IQANK1: variants seen among roughly 807,000 people sequenced by gnomAD.
The protein encoded by IQANK1 is IQ motif and ankyrin repeat domain-containing protein 1.
Under a neutral mutation model 22.6 loss-of-function variants are expected in IQANK1, and 30 were observed. The ratio of observed to expected loss-of-function variants is 1.33; its 90% CI spans 0.99 to 1.80. IQANK1 has a LOEUF of 1.80. IQANK1 is among the 40% of genes most tolerant of loss of function. The probability of loss-of-function intolerance (pLI) is 0.00; values close to 1 mark genes in which losing one functional copy is unlikely to be tolerated. For synonymous variants in IQANK1, 122 were observed against 99.6 expected, an observed-to-expected ratio of 1.23 and a Z score of -1.34; for missense variants, 275 against 235.2, an observed-to-expected ratio of 1.17 and a Z score of -1.11.
At position 143,749,674 on chromosome 8, in the gene IQANK1, C is replaced by T. The variant is rs1412013791; in HGVS notation, c.175+9726C>T. On this transcript the variant is annotated intron_variant, in intron 3 of 13. Transcript: ENST00000527139. ...GCAGTGGCATGATCTCGGCTCACTG[C>T]AATCTCCACCTCCTGGTACCTGGGA... 2.0e-5 allele frequency among the ~76,000 whole-genome samples: 3 copies of T among 147,906 alleles called. No individual in the cohort carries two copies. In the Admixed American group the frequency reaches 2.1e-4, roughly 10 times the overall value.
chr8:143,742,484 G>T, intron 3 of IQANK1: 1 of 456,070 alleles, frequency 2.2e-6, no homozygotes, highest in South Asian at 1.5e-5. Context: ...TGGGCCCCGG[G>T]ACTCGCCTGT....
chr8:143,787,411 C>T (rs782339541), intron 7 of IQANK1, among the ~76,000 whole-genome samples: 2 of 152,006 alleles, frequency 1.3e-5, no homozygotes, highest in Non-Finnish European at 2.9e-5. Context: ...CCTGCAGGCC[C>T]CCTACACTGC....
At position 143,762,266 on chromosome 8, in the gene IQANK1, G is replaced by A. The variant is rs567939731; in HGVS notation, c.176-9222G>A. ...AGTGGTTGCAGTGAGCCGAGATCGC[G>A]CCATTGCACTCCAGCCTGGGCAACA... On this transcript the variant is annotated intron_variant, in intron 3 of 13. Transcript: ENST00000527139. Among the ~76,000 whole-genome samples the A allele has an allele frequency of 4.7e-5, 7 of 150,064 alleles. 1 individual carries two copies. The South Asian group carries it at 6.4e-4, about 14-fold the overall frequency.
chr8:143,772,249 C>A lies in IQANK1; in HGVS notation c.663+6C>A, dbSNP rs1363220384. ...GCGCCAGCCCCAACAGCAAGGTGGG[C>A]GCCGTGGGCCGCGGGCCGCCGCGCT... On this transcript the variant is annotated splice_donor_region_variant and intron_variant, in intron 6 of 13. Transcript: ENST00000527139. 2.5e-6 allele frequency: 1 copy of A among 396,960 alleles called. No homozygotes were observed. Among genetic ancestry groups the A allele is most frequent in the East Asian group, 3.6e-5 (1 of 27,948 alleles). The allele number at this position is 396,960 out of a possible 1,614,324, so 24.6% of individuals were successfully genotyped here.
intron 3 of IQANK1, among the ~76,000 whole-genome samples, chr8:143,740,703 G>T (rs1554626359): frequency 6.6e-6 from 1 of 152,212 alleles, no homozygotes; most frequent in East Asian, 1.9e-4. Context: ...GCCTCCAGAT[G>T]CAGGCCTGGC....
In IQANK1 at chr8:143,775,335, TAC is replaced by T. The variant is rs55908803; in HGVS notation, c.789+2871_789+2872del. 1.2e-3 allele frequency among the ~76,000 whole-genome samples: 173 copies of T among 147,552 alleles called. 1 individual carries two copies. In the East Asian group the frequency reaches 0.033, roughly 28 times the overall value. Reference sequence around the variant, plus strand: ...AATTTAGTTAAATTGCCAGGCATGCTACACACACACACACACACAGACACACA... The same window carrying T: ...AATTTAGTTAAATTGCCAGGCATGCTACACACACACACACACAGACACACA... On this transcript the variant is annotated intron_variant, in intron 7 of 13. Coordinates refer to ENST00000527139, the MANE Select transcript of IQANK1 (RefSeq NM_001381874.1).
chr8:143,749,740 T>G (rs1364137457), intron 3 of IQANK1, among the ~76,000 whole-genome samples: 1 of 150,166 alleles, frequency 6.7e-6, no homozygotes, highest in Admixed American at 6.7e-5. Context: ...TTTTTGTGTT[T>G]TTTGTGGAGA....
At chr8:143,777,886 A>G (rs1419328767) in intron 7 of IQANK1, among the ~76,000 whole-genome samples, 2 of 152,092 alleles carry the variant, frequency 1.3e-5, no homozygotes, top group Non-Finnish European at 2.9e-5. Flanking sequence ...TGGACATTCT[A>G]AACACCCCAA....
intron 3 of IQANK1, chr8:143,745,602 TA>T (rs1819013223): frequency 6.6e-6 from 1 of 152,106 alleles, no homozygotes; most frequent in Non-Finnish European, 1.5e-5. Context: ...TTTGTATTTT[TA>T]GTAGAGATGG....
In IQANK1 at chr8:143,735,325, G is replaced by A. The variant is rs116921247; in HGVS notation, c.-4-525G>A. ...GACTAGGGAGAGGGGTGTTGCTCCA[G>A]GGCCTGACACCACCATCTGCCAGAG... On this transcript the variant is annotated intron_variant, in intron 1 of 13. Coordinates refer to ENST00000527139, the MANE Select transcript of IQANK1 (RefSeq NM_001381874.1). This position sits in a 1 kb window ranked among gnomAD's most constrained non-coding sequence, Gnocchi z 5.2. Among the ~76,000 whole-genome samples the A allele has an allele frequency of 1.6e-3, 251 of 152,286 alleles. 4 individuals carry two copies. Among genetic ancestry groups the A allele is most frequent in the East Asian group, 0.015 (79 of 5,178 alleles).
Position 143,772,216 on chromosome 8 carries a change from C to A in IQANK1, c.636C>A (p.Ala212=), listed in dbSNP as rs1819591536. 1 of 394,610 alleles carries A rather than the reference C, an allele frequency of 2.5e-6. No individual in the cohort carries two copies. The highest frequency in any genetic ancestry group is 4.5e-6 in the Non-Finnish European group (1 of 223,554). 24.4% of individuals were successfully genotyped at this position (394,610 alleles called of 1,614,324 possible). A position where few individuals can be genotyped will look rare whatever the true frequency, so the allele number is the denominator to read the frequency against. ...GGQPLAIQLR[A]ELGASPNSKG... Reference sequence around the variant, plus strand: ...AGCCCCTGGCCATCCAGCTGCGGGCCGAGCTCGGCGCCAGCCCCAACAGCA... The same window carrying A: ...AGCCCCTGGCCATCCAGCTGCGGGCAGAGCTCGGCGCCAGCCCCAACAGCA... Residue 212 remains alanine, a synonymous_variant, in exon 6 of 14, where the codon GCC becomes GCA. Transcript: ENST00000527139.
intron 3 of IQANK1, among the ~76,000 whole-genome samples, chr8:143,748,848 A>AATATATATTTCATATATAAATATAT (rs1563770472): frequency 1.9e-5 from 2 of 106,454 alleles, no homozygotes; most frequent in Admixed American, 2.3e-4. Flanking sequence ...TAAATATATA[A>AATATATATTTCATATATAAATATAT]ATATATATAT....
chr8:143,760,514 A>AG (rs1376559741), intron 3 of IQANK1: 3 of 122,938 alleles, frequency 2.4e-5, no homozygotes, highest in Non-Finnish European at 4.5e-5. Context: ...CATCTCTACA[A>AG]AAAAAAAAAA....
rs566069727 is a variant in IQANK1 at position 143,743,259 on chromosome 8, C to T, written c.175+3311C>T. Among the ~76,000 whole-genome samples the T allele has an allele frequency of 1.4e-4, 21 of 152,196 alleles. 1 individual carries two copies. The South Asian group carries it at 4.4e-3, about 32-fold the overall frequency. On this transcript the variant is annotated intron_variant, in intron 3 of 13. Transcript: ENST00000527139. ...TTGTTTTTTTTTGAGACAGGGTCAG[C>T]TGTCTTGCCCAGGCTGGAGTTCAGG...
chr8:143,786,872 AG>A (rs1373741178), intron 7 of IQANK1, among the ~76,000 whole-genome samples: 10 of 152,132 alleles, frequency 6.6e-5, no homozygotes, highest in Non-Finnish European at 1.0e-4. Flanking sequence ...TAAGATCCTG[AG>A]GGGGACAAGG....
Position 143,757,002 on chromosome 8 carries a change from A to G in IQANK1, c.176-14486A>G, listed in dbSNP as rs115801225. Among the ~76,000 whole-genome samples, 1,479 of 152,190 alleles carry G rather than the reference A, an allele frequency of 9.7e-3. 24 individuals are homozygous for G. Among genetic ancestry groups the G allele is most frequent in the African/African-American group, 0.033 (1,383 of 41,524 alleles). On this transcript the variant is annotated intron_variant, in intron 3 of 13. Coordinates refer to ENST00000527139, the MANE Select transcript of IQANK1 (RefSeq NM_001381874.1). ...AAAAAAAAAAAAGTCTTATGCAGAA[A>G]AGAGCATGACTTTGCTCTAAAACGC...
chr8:143,737,814 G>A (rs529929197), intron 2 of IQANK1, among the ~76,000 whole-genome samples: 1 of 152,346 alleles, frequency 6.6e-6, no homozygotes, highest in Admixed American at 6.5e-5. Flanking sequence ...TCCCGCCACA[G>A]CTGCATCTGC....
rs1489809915 is a variant in IQANK1, at chr8:143,747,910, G to GTCCTGTCCTTTCCTTTCCTT, written c.175+7966_175+7967insGTCCTTTCCTTTCCTTTCCT. ...AGATCTAGTTGGTTGATTGTGTTAAGTCCTTTCCTTTCCTTTCCTTTCCTT... is the reference window on the plus strand; with the variant it reads ...AGATCTAGTTGGTTGATTGTGTTAAGTCCTGTCCTTTCCTTTCCTTTCCTTTCCTTTCCTTTCCTTTCCTT... On this transcript the variant is annotated intron_variant, in intron 3 of 13. Coordinates refer to ENST00000527139, the MANE Select transcript of IQANK1 (RefSeq NM_001381874.1). Among the ~76,000 whole-genome samples, 18 of 106,298 alleles carry GTCCTGTCCTTTCCTTTCCTT rather than the reference G, an allele frequency of 1.7e-4. 1 individual carries two copies. Among genetic ancestry groups the GTCCTGTCCTTTCCTTTCCTT allele is most frequent in the Admixed American group, 7.5e-4 (7 of 9,294 alleles). 69.7% of individuals were successfully genotyped at this position (106,298 alleles called of 152,430 possible).
At chr8:143,751,664 G>GTGTGTGTGTATATATA (rs370428606) in intron 3 of IQANK1, among the ~76,000 whole-genome samples, 1 of 61,550 alleles carries the variant, frequency 1.6e-5, no homozygotes, top group African/African-American at 4.4e-5. Context: ...GTGTGTGTGT[G>GTGTGTGTGTATATATA]TATATATATA....
Sources: allele counts gnomAD v4.1 joint callset (sites outside exome capture counted in the v4.1 genomes callset), GRCh38; gene constraint gnomAD v4.1.1; non-coding constraint Gnocchi (gnomAD v3.1); transcripts MANE v1.5; gene names NCBI Gene and HGNC (gene_info 2026-07-23, HGNC 2026-07-21).